Variants in PPP1CB observed in about 807,000 individuals in gnomAD.
The protein encoded by PPP1CB is serine/threonine-protein phosphatase PP1-beta catalytic subunit.
In PPP1CB, 2 loss-of-function variants were observed where a neutral mutation model predicts 43.7. The observed-to-expected ratio is 0.05, with a 90% CI of 0.02 to 0.14. The LOEUF is 0.14. Among genes scored for constraint, PPP1CB ranks in the 10% least tolerant of loss-of-function variants. The probability of loss-of-function intolerance (pLI) is 1.00; values close to 1 mark genes in which losing one functional copy is unlikely to be tolerated. For synonymous variants in PPP1CB, 136 were observed against 135.6 expected, an observed-to-expected ratio of 1.00 and a Z score of -0.02; for missense variants, 84 against 398.0, an observed-to-expected ratio of 0.21 and a Z score of 6.71.
intron 1 of PPP1CB, 57 bp downstream of exon 1, chr2:28,752,233 G>A (rs1316263036): frequency 6.9e-7 from 1 of 1,454,968 alleles, no homozygotes; most frequent in East Asian, 2.7e-5. Context: ...GCCGACCCCT[G>A]CGTCCCCGTC....
At chr2:28,753,542 C>G (rs992051875) in intron 1 of PPP1CB, among the ~76,000 whole-genome samples, 2 of 152,226 alleles carry the variant, frequency 1.3e-5, no homozygotes, top group African/African-American at 4.8e-5. Context: ...CTGGGAGGCC[C>G]CCTGGTGCCT....
In PPP1CB at chr2:28,780,435, A is replaced by G. The variant is rs1416608667; in HGVS notation, c.416-1303A>G. Among the ~76,000 whole-genome samples, 8 of 152,074 alleles carry G rather than the reference A, an allele frequency of 5.3e-5. No homozygotes were observed. The South Asian group carries it at 1.5e-3, about 28-fold the overall frequency. Reference sequence around the variant, plus strand: ...GAAATGATTCTGTATTTGATTTTGTATTGTATTTTTATTTCTGAGATGTAG... The same window carrying G: ...GAAATGATTCTGTATTTGATTTTGTGTTGTATTTTTATTTCTGAGATGTAG... On this transcript the variant is annotated intron_variant, in intron 3 of 7. Coordinates refer to ENST00000395366, the MANE Select transcript of PPP1CB (RefSeq NM_002709.3).
At chr2:28,757,546 C>T (rs1049613982) in intron 1 of PPP1CB, among the ~76,000 whole-genome samples, 1 of 152,074 alleles carries the variant, frequency 6.6e-6, no homozygotes, top group Non-Finnish European at 1.5e-5. Flanking sequence ...CAGTTGTTGC[C>T]GACAACCTCC....
chr2:28,754,015 C>T (rs1461202408), intron 1 of PPP1CB, among the ~76,000 whole-genome samples: 2 of 152,104 alleles, frequency 1.3e-5, no homozygotes, highest in African/African-American at 2.4e-5. Context: ...GGATTACAGG[C>T]GTGAGCCATC....
At chr2:28,778,045 C>A (rs930384457) in intron 2 of PPP1CB, among the ~76,000 whole-genome samples, 1 of 152,102 alleles carries the variant, frequency 6.6e-6, no homozygotes, top group Non-Finnish European at 1.5e-5. Flanking sequence ...CTAATCAATC[C>A]CCTGTATAAA....
intron 4 of PPP1CB, among the ~76,000 whole-genome samples, chr2:28,783,539 T>C (rs796225742): frequency 1.3e-5 from 2 of 152,186 alleles, no homozygotes; most frequent in African/African-American, 4.8e-5. Context: ...GGTTGGATCA[T>C]GAGGTCAAGA....
intron 1 of PPP1CB, among the ~76,000 whole-genome samples, chr2:28,762,533 G>T (rs1048247013): frequency 1.3e-5 from 2 of 152,152 alleles, no homozygotes; most frequent in Non-Finnish European, 2.9e-5. Flanking sequence ...GAAAAAGGAG[G>T]AGTAGTTTAA....
At chr2:28,752,268 C>A in intron 1 of PPP1CB, 92 bp downstream of exon 1, 1 of 1,202,778 alleles carries the variant, frequency 8.3e-7, no homozygotes, top group African/African-American at 1.6e-5. Context: ...GAGGGGACCC[C>A]TTTCCCGCCC....
chr2:28,786,516 C>T (rs967546276), intron 5 of PPP1CB, among the ~76,000 whole-genome samples: 1 of 152,066 alleles, frequency 6.6e-6, no homozygotes, highest in African/African-American at 2.4e-5. Flanking sequence ...GTTTCCTAAA[C>T]CTCAAACTCT....
intron 1 of PPP1CB, among the ~76,000 whole-genome samples, chr2:28,757,848 A>C (rs1405088368): frequency 6.6e-6 from 1 of 152,004 alleles, no homozygotes; most frequent in East Asian, 1.9e-4. Flanking sequence ...TTTCTGGTAA[A>C]TATCTAAATC....
chr2:28,792,429 G>T (rs887514087), intron 6 of PPP1CB, among the ~76,000 whole-genome samples: 1 of 152,146 alleles, frequency 6.6e-6, no homozygotes, highest in African/African-American at 2.4e-5. Flanking sequence ...GCTGAGGTGG[G>T]AAGATCTCTT....
intron 5 of PPP1CB, among the ~76,000 whole-genome samples, chr2:28,784,869 G>A (rs1482145725): frequency 2.3e-5 from 3 of 132,012 alleles, no homozygotes. Flanking sequence ...GCAGTGAGCC[G>A]AGATCACACC....
rs1417820611 is a variant in PPP1CB, at chr2:28,752,285, G to A, written c.52+109G>A. On this transcript the variant is annotated intron_variant, in intron 1 of 7. Coordinates refer to ENST00000395366, the MANE Select transcript of PPP1CB (RefSeq NM_002709.3). ...GGGGACCCCTTTCCCGCCCCGAGAC[G>A]AGTCTCTGGGAGCGCGGCGCGGCGG... 5 of 1,026,020 alleles carry A rather than the reference G, an allele frequency of 4.9e-6. No homozygotes were observed. In the African/African-American group the frequency reaches 5.1e-5, roughly 11 times the overall value. The allele number at this position is 1,026,020 out of a possible 1,614,324, so 63.6% of individuals were successfully genotyped here. A position where few individuals can be genotyped will look rare whatever the true frequency, so the allele number is the denominator to read the frequency against.
chr2:28,792,297 G>A (rs1268567223), intron 6 of PPP1CB, among the ~76,000 whole-genome samples: 26 of 151,886 alleles, frequency 1.7e-4, no homozygotes, highest in Admixed American at 1.7e-3. Flanking sequence ...CCGAGATCGC[G>A]CCGTTGCACT....
At chr2:28,794,086 C>G (rs1667445839) in intron 7 of PPP1CB, 89 bp downstream of exon 7, 3 of 1,110,480 alleles carry the variant, frequency 2.7e-6, no homozygotes, top group African/African-American at 3.1e-5. Flanking sequence ...TTTCCTTGAG[C>G]AAGTGTTGAA....
At chr2:28,763,865 C>T (rs1666717812) in intron 1 of PPP1CB, among the ~76,000 whole-genome samples, 1 of 152,024 alleles carries the variant, frequency 6.6e-6, no homozygotes, top group Admixed American at 6.5e-5. Context: ...GCCACCACAC[C>T]TGGCTTATTT....
chr2:28,762,652 T>C (rs1262001648), intron 1 of PPP1CB, among the ~76,000 whole-genome samples: 1 of 152,248 alleles, frequency 6.6e-6, no homozygotes, highest in Admixed American at 6.5e-5. Context: ...TGAAATTATA[T>C]CCATGAATTT....
chr2:28,791,087 G>A (rs1667374423), intron 6 of PPP1CB, among the ~76,000 whole-genome samples: 1 of 152,098 alleles, frequency 6.6e-6, no homozygotes, highest in African/African-American at 2.4e-5. Flanking sequence ...ATTAATAAAA[G>A]CGTATTTAAT....
intron 1 of PPP1CB, among the ~76,000 whole-genome samples, chr2:28,760,007 C>T (rs1176742786): frequency 6.6e-6 from 1 of 152,114 alleles, no homozygotes; most frequent in Non-Finnish European, 1.5e-5. Flanking sequence ...GCTTCGTTAT[C>T]CTGGGAGGTG....
Sources: allele counts gnomAD v4.1 joint callset (sites outside exome capture counted in the v4.1 genomes callset), GRCh38; gene constraint gnomAD v4.1.1; transcripts MANE v1.5; gene names NCBI Gene and HGNC (gene_info 2026-07-23, HGNC 2026-07-21).